Variants in CAST observed in about 807,000 individuals in gnomAD.
CAST encodes the protein calpastatin, also known as MIR583 host.
A neutral mutation model predicts 119.6 loss-of-function variants in CAST; 76 were observed. The ratio of observed to expected loss-of-function variants is 0.64; its 90% confidence interval spans 0.53 to 0.77. The LOEUF (loss-of-function observed/expected upper bound fraction) is 0.77, where lower values mean the gene tolerates loss of function less well. Among genes scored for constraint, CAST ranks in the 30% least tolerant of loss-of-function variants. The pLI, the probability that CAST is intolerant of heterozygous loss-of-function variation, is 0.00. For missense variants in CAST, 953 were observed against 946.5 expected (o/e 1.01, Z -0.09); for synonymous variants, 319 against 331.6 (o/e 0.96, Z 0.41).
chr5:96,476,927 C>A, the CAST span, among the ~76,000 whole-genome samples: 51 of 132,102 alleles, frequency 3.9e-4, no homozygotes, highest in South Asian at 5.1e-4. Flanking sequence ...ATGTGGATGG[C>A]AAAAAAAAAA....
At chr5:96,146,880 A>T in the CAST span, among the ~76,000 whole-genome samples, 1 of 152,210 alleles carries the variant, frequency 6.6e-6, no homozygotes, top group African/African-American at 2.4e-5. Context: ...AAGGGAAGAG[A>T]GTGAAGAATG....
chr5:95,984,853 T>C, the CAST span, among the ~76,000 whole-genome samples: 5 of 152,212 alleles, frequency 3.3e-5, no homozygotes, highest in East Asian at 9.6e-4. Context: ...GAAAAAGAGA[T>C]AGTATCAAAA....
At chr5:95,961,988 C>A in the CAST span, 1 of 425,348 alleles carries the variant, frequency 2.4e-6, no homozygotes, top group South Asian at 7.0e-5. Flanking sequence ...CTCACGGGGG[C>A]GGGCCCAAAG....
chr5:96,059,447 T>C, the CAST span, among the ~76,000 whole-genome samples: 1 of 152,142 alleles, frequency 6.6e-6, no homozygotes, highest in Admixed American at 6.5e-5. Flanking sequence ...GATATGGCAG[T>C]GTTTCTTCAA....
At chr5:96,551,516 G>A (rs1299336550) in intron 1 of CAST, among the ~76,000 whole-genome samples, 2 of 151,964 alleles carry the variant, frequency 1.3e-5, no homozygotes, top group Admixed American at 1.3e-4. Flanking sequence ...TCAATTAATG[G>A]GTGAAATAAC....
chr5:95,997,349 G>A, the CAST span, among the ~76,000 whole-genome samples: 1 of 152,038 alleles, frequency 6.6e-6, no homozygotes, highest in African/African-American at 2.4e-5. Context: ...ACTATCTCTG[G>A]GTGTCAGGGG....
At chr5:96,327,918 T>C in the CAST span, among the ~76,000 whole-genome samples, 5 of 152,330 alleles carry the variant, frequency 3.3e-5, no homozygotes, top group South Asian at 1.0e-3. Flanking sequence ...TTACAATTTG[T>C]AAAGTGCTGT....
the CAST span, among the ~76,000 whole-genome samples, chr5:96,413,537 T>C: frequency 1.3e-5 from 2 of 152,162 alleles, no homozygotes; most frequent in Non-Finnish European, 2.9e-5. Context: ...CAGTGGCTCA[T>C]GCCTTTAATA....
the CAST span, among the ~76,000 whole-genome samples, chr5:96,025,024 T>C: frequency 3.3e-5 from 5 of 152,216 alleles, no homozygotes; most frequent in African/African-American, 1.2e-4. Flanking sequence ...AGATTTCTGA[T>C]TGGGCCAAAA....
the CAST span, among the ~76,000 whole-genome samples, chr5:96,244,688 T>A: frequency 1.3e-5 from 2 of 152,236 alleles, no homozygotes; most frequent in African/African-American, 4.8e-5. Context: ...CCAGCCCAGT[T>A]CTGCTCACTA....
intron 1 of CAST, among the ~76,000 whole-genome samples, chr5:96,569,228 G>A (rs1409086163): frequency 3.3e-5 from 5 of 152,156 alleles, no homozygotes; most frequent in Admixed American, 3.3e-4. Flanking sequence ...TGCAATGAGA[G>A]ACCTCCCACT....
intron 1 of CAST, among the ~76,000 whole-genome samples, chr5:96,590,696 G>A (rs550294549): frequency 1.3e-5 from 2 of 152,320 alleles, no homozygotes; most frequent in East Asian, 3.9e-4. Flanking sequence ...AATCAACAGT[G>A]AGGAAGTCAG....
chr5:96,317,110 C>T, the CAST span, among the ~76,000 whole-genome samples: 3 of 152,072 alleles, frequency 2.0e-5, no homozygotes, highest in Admixed American at 2.0e-4. Flanking sequence ...CATTACCACA[C>T]ACATTTGACA....
the CAST span, among the ~76,000 whole-genome samples, chr5:96,037,433 A>G: frequency 6.6e-6 from 1 of 152,130 alleles, no homozygotes; most frequent in Non-Finnish European, 1.5e-5. Flanking sequence ...AAGCCTAACT[A>G]TCTGTGTGGG....
At chr5:96,134,395 C>T in the CAST span, among the ~76,000 whole-genome samples, 305 of 152,270 alleles carry the variant, frequency 2.0e-3, no homozygotes, top group Non-Finnish European at 3.2e-3. Context: ...TGTGAAAAGT[C>T]GCTTTACTGA....
chr5:96,542,309 A>AAAAAAAAG (rs1554066745), intron 1 of CAST, among the ~76,000 whole-genome samples: 3 of 137,430 alleles, frequency 2.2e-5, no homozygotes, highest in Admixed American at 1.4e-4. Context: ...ACTTAGTCTC[A>AAAAAAAAG]AAAAAAAAAA....
chr5:96,329,414 C>G, the CAST span, among the ~76,000 whole-genome samples: 5 of 152,306 alleles, frequency 3.3e-5, no homozygotes, highest in South Asian at 1.0e-3. Flanking sequence ...CAGGAAAAAG[C>G]TGAACAAACA....
At chr5:96,160,455 T>G in the CAST span, among the ~76,000 whole-genome samples, 1 of 152,224 alleles carries the variant, frequency 6.6e-6, no homozygotes, top group Non-Finnish European at 1.5e-5. Flanking sequence ...TTCCTTGTTA[T>G]GGCTGAATAA....
intron 3 of CAST, among the ~76,000 whole-genome samples, chr5:96,714,045 G>A (rs900517764): frequency 2.6e-5 from 4 of 152,130 alleles, no homozygotes; most frequent in African/African-American, 9.7e-5. Context: ...AGAAACTTTC[G>A]AGGCTGTTGG....
Sources: gnomAD v4.1 joint callset for allele counts (sites outside exome capture counted in the v4.1 genomes callset) on GRCh38, gnomAD v4.1.1 for gene constraint, MANE v1.5 for transcripts, NCBI Gene and HGNC (gene_info 2026-07-23, HGNC 2026-07-21) for gene names.